Variants in ABCC8 observed in about 807,000 individuals in gnomAD.
ABCC8 encodes ATP-binding cassette sub-family C member 8.
Under a neutral mutation model 188.0 loss-of-function variants are expected in ABCC8, and 137 were observed. The observed-to-expected ratio is 0.73, with a 90% CI of 0.63 to 0.84. The LOEUF (loss-of-function observed/expected upper bound fraction) is 0.84. ABCC8 is among the 40% of genes least tolerant of loss of function. ABCC8 has a pLI of 0.00. For missense variants in ABCC8, 1,750 were observed against 2,072.7 expected, an observed-to-expected ratio of 0.84 and a Z score of 3.02; for synonymous variants, 797 against 846.5, an observed-to-expected ratio of 0.94 and a Z score of 1.01.
intron 16 of ABCC8, among the ~76,000 whole-genome samples, chr11:17,421,298 G>A (rs1955331274): frequency 6.6e-6 from 1 of 152,224 alleles, no homozygotes. Context: ...TGTGAGGTAT[G>A]CACTAACGGT....
intron 4 of ABCC8, 118 bp from the exon 5 acceptor site, chr11:17,461,943 C>A: frequency 6.7e-7 from 1 of 1,496,348 alleles, no homozygotes; most frequent in Non-Finnish European, 8.9e-7. Context: ...CAGATGGGGC[C>A]ATCTTTCGCC....
At chr11:17,413,087 A>G in intron 20 of ABCC8, 1 of 595,298 alleles carries the variant, frequency 1.7e-6, no homozygotes, top group Non-Finnish European at 2.9e-6. Context: ...CCCCATCTGG[A>G]GGATGAACAG....
At chr11:17,461,431 A>G in intron 5 of ABCC8, 152 bp downstream of exon 5, 1 of 965,844 alleles carries the variant, frequency 1.0e-6, no homozygotes, top group East Asian at 2.5e-5. Flanking sequence ...TCCCTGGTTC[A>G]CTGTGTGACT....
At position 17,396,897 on chromosome 11, in the gene ABCC8, G is replaced by A. The variant is rs376010125; in HGVS notation, c.4119+19C>T. On this transcript the variant is annotated intron_variant, in intron 33 of 38. Coordinates refer to ENST00000389817, the MANE Select transcript of ABCC8 (RefSeq NM_000352.6). ...GCTCACGCCTGTCCTGCAGCATTGG[G>A]TTGGGCCCGTGCTCTGACCTTCTGT... The A allele has an allele frequency of 2.9e-5, 46 of 1,613,232 alleles. No homozygotes were observed. In the African/African-American group the frequency reaches 5.9e-4, roughly 21 times the overall value.
intron 16 of ABCC8, among the ~76,000 whole-genome samples, chr11:17,417,819 G>T (rs1955155123): frequency 6.6e-6 from 1 of 151,898 alleles, no homozygotes; most frequent in Admixed American, 6.6e-5. Context: ...GCGTGATCTT[G>T]GCTCACTGCA....
intron 17 of ABCC8, 152 bp from the exon 18 acceptor site, chr11:17,415,491 G>A: frequency 6.6e-7 from 1 of 1,509,624 alleles, no homozygotes; most frequent in South Asian, 1.2e-5. Context: ...GAGAGGTGTG[G>A]AGAGTGGGGT....
At chr11:17,453,582 A>G (rs1219647437) in intron 6 of ABCC8, among the ~76,000 whole-genome samples, 1 of 152,174 alleles carries the variant, frequency 6.6e-6, no homozygotes, top group Non-Finnish European at 1.5e-5. Context: ...CCACAGACCC[A>G]GGGGAGAGCA....
intron 8 of ABCC8, among the ~76,000 whole-genome samples, chr11:17,444,620 C>T (rs969331559): frequency 6.6e-6 from 1 of 152,174 alleles, no homozygotes; most frequent in African/African-American, 2.4e-5. Context: ...CTGCACAGGT[C>T]TGAATGGCCC....
intron 13 of ABCC8, 60 bp downstream of exon 13, chr11:17,428,505 C>T (rs1955697659): frequency 1.2e-6 from 2 of 1,608,104 alleles, no homozygotes; most frequent in Non-Finnish European, 1.7e-6. Flanking sequence ...ACACAGCAGG[C>T]CCAAGTTTTG....
intron 20 of ABCC8, 182 bp from the exon 21 acceptor site, chr11:17,412,928 G>C (rs973555399): frequency 9.7e-6 from 13 of 1,338,724 alleles, no homozygotes; most frequent in Non-Finnish European, 2.0e-6. Context: ...GAAGAGGGCA[G>C]CATGAGCCCC....
At chr11:17,439,824 C>A (rs1956244198) in intron 10 of ABCC8, among the ~76,000 whole-genome samples, 1 of 152,066 alleles carries the variant, frequency 6.6e-6, no homozygotes, top group Non-Finnish European at 1.5e-5. Flanking sequence ...TCCAGAGCCC[C>A]TTTTTTCCAG....
intron 12 of ABCC8, 29 bp from the exon 13 acceptor site, chr11:17,428,699 A>T (rs1017143601): frequency 2.5e-6 from 4 of 1,608,360 alleles, no homozygotes; most frequent in Non-Finnish European, 3.4e-6. Context: ...GACACCCCTC[A>T]CCCCTGCCAG....
At chr11:17,455,770 T>G (rs1956969059) in intron 6 of ABCC8, among the ~76,000 whole-genome samples, 1 of 151,486 alleles carries the variant, frequency 6.6e-6, no homozygotes, top group Admixed American at 6.6e-5. Context: ...AAACCCTGTT[T>G]CTACTAAAAA....
chr11:17,432,171 T>C (rs768876233), intron 11 of ABCC8, 33 bp downstream of exon 11: 1 of 1,551,734 alleles, frequency 6.4e-7, no homozygotes, highest in Non-Finnish European at 8.7e-7. Context: ...CCCTCCACCC[T>C]ACCCCCAAGA....
chr11:17,436,154 C>A, intron 10 of ABCC8: 1 of 754,366 alleles, frequency 1.3e-6, no homozygotes, highest in East Asian at 2.5e-5. Flanking sequence ...CAATGACAAC[C>A]AACATGTCTC....
At chr11:17,416,445 T>C (rs1187737144) in intron 17 of ABCC8, among the ~76,000 whole-genome samples, 2 of 152,156 alleles carry the variant, frequency 1.3e-5, no homozygotes, top group African/African-American at 4.8e-5. Context: ...TTTTTAGATA[T>C]ACTTTTTTCT....
intron 33 of ABCC8, chr11:17,396,512 G>A (rs936199528): frequency 9.7e-5 from 30 of 309,730 alleles, no homozygotes; most frequent in African/African-American, 6.0e-4. Context: ...GGAGAGCTGG[G>A]CCAGGGCCAT....
intron 7 of ABCC8, among the ~76,000 whole-genome samples, chr11:17,450,142 A>G (rs1956703914): frequency 6.6e-6 from 1 of 152,226 alleles, no homozygotes; most frequent in East Asian, 1.9e-4. Context: ...GTTATTCTCT[A>G]ACCCATGAAG....
At chr11:17,437,339 G>C (rs1956145384) in intron 10 of ABCC8, among the ~76,000 whole-genome samples, 2 of 152,090 alleles carry the variant, frequency 1.3e-5, no homozygotes, top group Admixed American at 1.3e-4. Flanking sequence ...GCCCTTATGG[G>C]CACCAGCCTG....
Sources: allele counts gnomAD v4.1 joint callset (sites outside exome capture counted in the v4.1 genomes callset), GRCh38; gene constraint gnomAD v4.1.1; transcripts MANE v1.5; gene names NCBI Gene and HGNC (gene_info 2026-07-23, HGNC 2026-07-21).